SS18: variants seen among roughly 807,000 people sequenced by gnomAD.
SS18 encodes the protein protein SSXT.
SS18 carries 28 observed loss-of-function variants against 72.5 expected under a neutral mutation model. That is an observed-to-expected ratio of 0.39 (90% CI 0.29 to 0.53). SS18 has a LOEUF of 0.53. SS18 is among the 20% of genes least tolerant of loss of function. SS18 has a pLI of 0.76. For missense variants in SS18, 518 were observed against 535.3 expected (o/e 0.97, Z 0.32); for synonymous variants, 172 against 164.2 (o/e 1.05, Z -0.37).
chr18:26,067,993 T>C (rs772640773), intron 3 of SS18, among the ~76,000 whole-genome samples: 5 of 152,096 alleles, frequency 3.3e-5, no homozygotes, highest in Non-Finnish European at 5.9e-5. Context: ...CAGTTCACAA[T>C]AGGGTTCACC....
At chr18:26,059,599 T>C (rs1406395886) in intron 3 of SS18, among the ~76,000 whole-genome samples, 1 of 152,188 alleles carries the variant, frequency 6.6e-6, no homozygotes, top group Non-Finnish European at 1.5e-5. Flanking sequence ...TCCAACTCTC[T>C]GTTGAGACTA....
At chr18:26,072,796 CAAAAAA>C (rs71169810) in intron 3 of SS18, among the ~76,000 whole-genome samples, 2 of 32,744 alleles carry the variant, frequency 6.1e-5, no homozygotes, top group Non-Finnish European at 9.4e-5. Flanking sequence ...GACTCCGTCT[CAAAAAA>C]AAAAAAAAAA....
chr18:26,027,994 G>T (rs939609676), intron 10 of SS18, among the ~76,000 whole-genome samples: 1 of 151,120 alleles, frequency 6.6e-6, no homozygotes, highest in African/African-American at 2.5e-5. Flanking sequence ...GTCTTTGAAA[G>T]ACACTATTTA....
rs918989435 is a variant in SS18, at chr18:26,018,258, T to C, written c.*96A>G. ...CCACAAGGTTTTTCCAAAAACTAGA[T>C]GGAATGGAAGGATCTCTTCACAGGG... On this transcript the variant is annotated 3_prime_UTR_variant, in exon 11 of 11. Coordinates refer to ENST00000415083, the MANE Select transcript of SS18 (RefSeq NM_001007559.3). 4 of 1,067,972 alleles carry C rather than the reference T, an allele frequency of 3.7e-6. No individual in the cohort carries two copies. The highest frequency in any genetic ancestry group is 3.2e-5 in the African/African-American group (2 of 61,644). 66.2% of individuals were successfully genotyped at this position (1,067,972 alleles called of 1,614,324 possible).
At chr18:26,036,836 T>A (rs758779837) in intron 7 of SS18, among the ~76,000 whole-genome samples, 2 of 152,170 alleles carry the variant, frequency 1.3e-5, no homozygotes, top group African/African-American at 4.8e-5. Flanking sequence ...GCAGTCTTAA[T>A]ATGGCCAGTG....
At chr18:26,077,941 A>C (rs2054446718) in intron 3 of SS18, 135 bp downstream of exon 3, 1 of 512,024 alleles carries the variant, frequency 2.0e-6, no homozygotes, top group African/African-American at 2.0e-5. Context: ...GCTTTTAGAT[A>C]ACATAGAATA....
chr18:26,077,571 T>TA (rs1220414356), intron 3 of SS18, among the ~76,000 whole-genome samples: 2 of 152,152 alleles, frequency 1.3e-5, no homozygotes, highest in African/African-American at 4.8e-5. Context: ...TTTAAAAATT[T>TA]AGAGTTTTTA....
chr18:26,040,873 G>A (rs1200912725), intron 5 of SS18, among the ~76,000 whole-genome samples: 1 of 152,094 alleles, frequency 6.6e-6, no homozygotes, highest in Non-Finnish European at 1.5e-5. Flanking sequence ...GGCTGGGTGA[G>A]AGTAGAGGCG....
intron 5 of SS18, among the ~76,000 whole-genome samples, chr18:26,041,142 G>A (rs1259060277): frequency 6.6e-6 from 1 of 152,194 alleles, no homozygotes; most frequent in African/African-American, 2.4e-5. Context: ...AAATTCGTAA[G>A]CCAGGAGTGG....
chr18:26,077,806 T>C (rs1427416369), intron 3 of SS18, among the ~76,000 whole-genome samples: 1 of 152,116 alleles, frequency 6.6e-6, no homozygotes, highest in Non-Finnish European at 1.5e-5. Context: ...CATTTCAGAT[T>C]AACAAATTAC....
chr18:26,019,789 CAAAAAAAA>C lies in SS18; in HGVS notation c.1231-1417_1231-1410del, dbSNP rs869179852. Among the ~76,000 whole-genome samples the C allele has an allele frequency of 1.2e-3, 78 of 62,568 alleles. No individual in the cohort carries two copies. In the East Asian group the frequency reaches 0.015, roughly 12 times the overall value. 41.0% of individuals were successfully genotyped at this position (62,568 alleles called of 152,430 possible). A position where few individuals can be genotyped will look rare whatever the true frequency, so the allele number is the denominator to read the frequency against. On this transcript the variant is annotated intron_variant, in intron 10 of 10. Coordinates refer to ENST00000415083, the MANE Select transcript of SS18 (RefSeq NM_001007559.3). Reference sequence around the variant, plus strand: ...CTTGAGCAACAGAGCAACTCTGTCTCAAAAAAAAAAAAAAAAAAAAAAAAAAAGAGATT... The same window carrying C: ...CTTGAGCAACAGAGCAACTCTGTCTCAAAAAAAAAAAAAAAAAAAGAGATT...
intron 10 of SS18, among the ~76,000 whole-genome samples, chr18:26,022,437 T>TA (rs35858470): frequency 0.021 from 2,813 of 131,680 alleles, 51 homozygotes; most frequent in East Asian, 0.12. Context: ...CCTGAAACAA[T>TA]AAAAAAAAAA....
At chr18:26,053,886 G>A (rs996140602) in intron 4 of SS18, among the ~76,000 whole-genome samples, 5 of 152,156 alleles carry the variant, frequency 3.3e-5, no homozygotes, top group Non-Finnish European at 7.4e-5. Context: ...TCAAGCTTGT[G>A]GAATCAAGGG....
rs765959654 is a variant in SS18, at chr18:26,090,516, G to A, written c.54C>T (p.Pro18=). 10 of 1,582,196 alleles carry A rather than the reference G, an allele frequency of 6.3e-6. No individual in the cohort carries two copies. The Admixed American group carries it at 1.4e-4, about 22-fold the overall frequency. The change falls in exon 1 of 11, where the codon CCC becomes CCT. Residue 18 remains proline (P), a synonymous_variant. Transcript: ENST00000415083. ...GCGGTTTCACCTTCTGAATCGCAGC[G>A]GGAGTGATCTCCCCCTTGCCTCGCT... is the stretch of plus-strand genomic sequence containing the variant. ...PRQRGKGEIT[P]AAIQKMLDDN... is the part of the protein sequence containing the mutation.
chr18:26,028,210 A>G (rs1423376410), intron 10 of SS18, among the ~76,000 whole-genome samples: 2 of 152,200 alleles, frequency 1.3e-5, no homozygotes, highest in Non-Finnish European at 2.9e-5. Context: ...GGTCAACATC[A>G]TTTGTCCTTA....
intron 3 of SS18, among the ~76,000 whole-genome samples, chr18:26,066,131 A>T (rs2054211437): frequency 6.6e-6 from 1 of 151,850 alleles, no homozygotes; most frequent in African/African-American, 2.4e-5. Flanking sequence ...TGTAATTTCA[A>T]ATGTGTTTGT....
intron 5 of SS18, among the ~76,000 whole-genome samples, chr18:26,051,388 G>C (rs1020319681): frequency 6.6e-6 from 1 of 152,150 alleles, no homozygotes; most frequent in African/African-American, 2.4e-5. Flanking sequence ...TATGCACATT[G>C]CTATATGCAT....
chr18:26,080,469 G>T (rs2054498238), intron 2 of SS18: 1 of 711,290 alleles, frequency 1.4e-6, no homozygotes, highest in Non-Finnish European at 1.7e-6. Flanking sequence ...ACTTGACAAA[G>T]CCAGTGTGAA....
chr18:26,085,453 G>A (rs1483881080), intron 2 of SS18, among the ~76,000 whole-genome samples: 2 of 152,192 alleles, frequency 1.3e-5, no homozygotes, highest in Non-Finnish European at 1.5e-5. Flanking sequence ...TAAAAACCTG[G>A]CTGGGAGAAA....
Sources: allele counts gnomAD v4.1 joint callset (sites outside exome capture counted in the v4.1 genomes callset), GRCh38; gene constraint gnomAD v4.1.1; transcripts MANE v1.5; gene names NCBI Gene and HGNC (gene_info 2026-07-23, HGNC 2026-07-21).